Variants in ADAMTS9 observed in about 807,000 individuals in gnomAD.
ADAMTS9 encodes the protein ADAM metallopeptidase with thrombospondin type 1 motif 9.
ADAMTS9 carries 107 observed loss-of-function variants against 257.1 expected under a neutral mutation model. That is an observed-to-expected ratio of 0.42 (90% confidence interval 0.36 to 0.49). ADAMTS9 has a LOEUF of 0.49. ADAMTS9 is among the 20% of genes least tolerant of loss of function. ADAMTS9 has a pLI of 0.03. For synonymous variants in ADAMTS9, 982 were observed against 880.9 expected (o/e 1.11, Z -2.03); for missense variants, 2,353 against 2,469.1 (o/e 0.95, Z 1.00).
intron 29 of ADAMTS9, among the ~76,000 whole-genome samples, chr3:64,566,431 A>G (rs1320075549): frequency 6.6e-6 from 1 of 152,222 alleles, no homozygotes; most frequent in Non-Finnish European, 1.5e-5. Flanking sequence ...CATTTTCTAC[A>G]AAGGTGACTT....
chr3:64,624,644 C>A (rs1211721007), intron 16 of ADAMTS9, among the ~76,000 whole-genome samples: 1 of 152,148 alleles, frequency 6.6e-6, no homozygotes, highest in Non-Finnish European at 1.5e-5. Context: ...TAAATCCAGA[C>A]TTTCAGTCAA....
chr3:64,522,479 G>A, intron 38 of ADAMTS9: 1 of 388,092 alleles, frequency 2.6e-6, no homozygotes, highest in East Asian at 4.1e-5. Context: ...TGCAAGCTAA[G>A]GATGATTTTT....
Position 64,633,561 on chromosome 3 carries a change from T to G in ADAMTS9, c.2086A>C (p.Thr696Pro). The change falls in exon 14 of 40, where the codon ACA becomes CCA. Residue 696 changes from threonine (T) to proline (P), a missense_variant. Coordinates refer to ENST00000498707, the MANE Select transcript of ADAMTS9 (RefSeq NM_182920.2). ...CKLFCRVAGN[T>P]AYYQLRDRVI... ...CTGTCTCGAAGCTGATAGTAGGCTG[T>G]GTTCCCTGCCACTCTGCAGAACAAC... The G allele has an allele frequency of 1.2e-6, 2 of 1,614,108 alleles. No individual in the cohort carries two copies. The highest frequency in any genetic ancestry group is 1.7e-6 in the Non-Finnish European group (2 of 1,180,002).
chr3:64,546,503 G>C (rs1335242755), intron 32 of ADAMTS9, among the ~76,000 whole-genome samples: 3 of 152,208 alleles, frequency 2.0e-5, no homozygotes, highest in African/African-American at 7.2e-5. Flanking sequence ...CTTGCCCAAG[G>C]TTGTTCACCT....
intron 21 of ADAMTS9, 27 bp downstream of exon 21, chr3:64,615,294 G>A: frequency 6.2e-7 from 1 of 1,609,876 alleles, no homozygotes; most frequent in Non-Finnish European, 8.5e-7. Context: ...AGATGACCTA[G>A]GGGAAATAAC....
chr3:64,556,966 C>T (rs555644765), intron 30 of ADAMTS9, among the ~76,000 whole-genome samples: 76 of 152,064 alleles, frequency 5.0e-4, no homozygotes, highest in Non-Finnish European at 1.0e-3. Flanking sequence ...GCTTCCTGAC[C>T]TTAAATAACT....
chr3:64,527,810 C>T (rs2082928334), intron 38 of ADAMTS9, among the ~76,000 whole-genome samples: 1 of 152,102 alleles, frequency 6.6e-6, no homozygotes, highest in African/African-American at 2.4e-5. Context: ...ATGATTTTTA[C>T]ACTTGGTGGA....
intron 8 of ADAMTS9, among the ~76,000 whole-genome samples, chr3:64,653,992 G>A (rs894805885): frequency 6.6e-6 from 1 of 152,158 alleles, no homozygotes; most frequent in African/African-American, 2.4e-5. Context: ...CTAGACAAAG[G>A]TGTTAAATCA....
intron 16 of ADAMTS9, among the ~76,000 whole-genome samples, chr3:64,629,844 A>G (rs1700324662): frequency 6.6e-6 from 1 of 152,230 alleles, no homozygotes. Flanking sequence ...TCATGTATAA[A>G]TATCATACTT....
chr3:64,606,217 G>A (rs1015582119), intron 23 of ADAMTS9, among the ~76,000 whole-genome samples: 7 of 152,232 alleles, frequency 4.6e-5, no homozygotes, highest in South Asian at 4.2e-4. Context: ...CACAAGACTC[G>A]TTTACATTTA....
At chr3:64,534,970 A>C (rs1284341562) in intron 37 of ADAMTS9, among the ~76,000 whole-genome samples, 1 of 152,228 alleles carries the variant, frequency 6.6e-6, no homozygotes, top group Non-Finnish European at 1.5e-5. Flanking sequence ...GACCTCAGGC[A>C]AGGAGATCAT....
At chr3:64,615,054 G>A (rs2084735838) in intron 21 of ADAMTS9, 4 of 344,222 alleles carry the variant, frequency 1.2e-5, no homozygotes, top group Non-Finnish European at 2.1e-5. Flanking sequence ...GGAAGGTGAT[G>A]GACTGCAACT....
intron 11 of ADAMTS9, among the ~76,000 whole-genome samples, chr3:64,642,452 A>T (rs928019818): frequency 6.6e-6 from 1 of 151,324 alleles, no homozygotes; most frequent in African/African-American, 2.4e-5. Context: ...GGGGGGAAAA[A>T]AAAAGCGAGT....
rs752184240 is a variant in ADAMTS9, at chr3:64,602,188, C to T, written c.3773G>A (p.Arg1258Lys). The part of the protein sequence containing the change: ...SSCSVTCGQG[R>K]ATRQVMCVNY... ...GACACACATCACTTGCCGGGTTGCC[C>T]TACCTTGCCCACAGGTCACAGAGCA... The change falls in exon 26 of 40, where the codon AGG becomes AAG. Residue 1258 changes from arginine (R) to lysine (K), a missense_variant. Coordinates refer to ENST00000498707, the MANE Select transcript of ADAMTS9 (RefSeq NM_182920.2). 2.2e-5 allele frequency: 36 copies of T among 1,613,814 alleles called. No individual in the cohort carries two copies. The Admixed American group carries it at 5.5e-4, about 25-fold the overall frequency.
At chr3:64,668,854 C>T (rs1287192224) in intron 3 of ADAMTS9, among the ~76,000 whole-genome samples, 1 of 152,128 alleles carries the variant, frequency 6.6e-6, no homozygotes, top group Non-Finnish European at 1.5e-5. Context: ...GAGATTAAAG[C>T]GCAGTTGGGC....
chr3:64,531,110 G>C (rs1307833153), intron 38 of ADAMTS9, among the ~76,000 whole-genome samples: 1 of 152,068 alleles, frequency 6.6e-6, no homozygotes, highest in African/African-American at 2.4e-5. Context: ...TAGTTAATCG[G>C]ATTTGAGGAC....
chr3:64,522,121 A>C, intron 39 of ADAMTS9, 45 bp downstream of exon 39: 1 of 1,576,784 alleles, frequency 6.3e-7, no homozygotes, highest in African/African-American at 1.3e-5. Context: ...CTACAGAAAA[A>C]AATAAAAGAC....
chr3:64,522,182 G>T lies in ADAMTS9; in HGVS notation c.5797C>A (p.Arg1933=), dbSNP rs1354994368. The part of the protein sequence containing the change: ...TPSSGTGLEV[R]VL ...ACTACTTACCTTAGCTATAAAACTC[G>T]CACCTCCAGGCCAGTACCAGAGGAT... Residue 1933 remains arginine (R), a synonymous_variant, in exon 39 of 40, where the codon CGA becomes AGA. Coordinates refer to ENST00000498707, the MANE Select transcript of ADAMTS9 (RefSeq NM_182920.2). 6.2e-7 allele frequency: 1 copy of T among 1,613,820 alleles called. No individual in the cohort carries two copies. Among genetic ancestry groups the T allele is most frequent in the South Asian group, 1.1e-5 (1 of 91,068 alleles).
chr3:64,621,308 A>G lies in ADAMTS9; in HGVS notation c.2687-68T>C, dbSNP rs1471231181. On this transcript the variant is annotated intron_variant, in intron 18 of 39. Coordinates refer to ENST00000498707, the MANE Select transcript of ADAMTS9 (RefSeq NM_182920.2). ...ATTCCATAAACTATTTAGACCCCGG[A>G]TTGGCAAGCATTTTCTCTAAAGAGC... The G allele has an allele frequency of 1.3e-5, 19 of 1,499,396 alleles. No individual in the cohort carries two copies. The Admixed American group carries it at 3.7e-4, about 29-fold the overall frequency. The allele number at this position is 1,499,396 out of a possible 1,614,324, so 92.9% of individuals were successfully genotyped here. A position where few individuals can be genotyped will look rare whatever the true frequency, so the allele number is the denominator to read the frequency against.
Sources: allele counts gnomAD v4.1 joint callset (sites outside exome capture counted in the v4.1 genomes callset), GRCh38; gene constraint gnomAD v4.1.1; transcripts MANE v1.5; gene names NCBI Gene and HGNC (gene_info 2026-07-23, HGNC 2026-07-21).